Variants in DLGAP1 observed in about 807,000 individuals in gnomAD.
DLGAP1 encodes the protein disks large-associated protein 1.
Under a neutral mutation model 90.8 loss-of-function variants are expected in DLGAP1, and 11 were observed. The observed-to-expected ratio is 0.12, with a 90% CI of 0.08 to 0.20. The LOEUF is 0.20. Ranked by LOEUF, DLGAP1 falls within the 10% of genes least tolerant of loss-of-function variation. The pLI is 1.00. For missense variants in DLGAP1, 1,050 were observed against 1,333.8 expected (o/e 0.79, Z 3.31); for synonymous variants, 558 against 540.7 (o/e 1.03, Z -0.44).
At chr18:3,523,377 A>C (rs939427382) in intron 10 of DLGAP1, among the ~76,000 whole-genome samples, 2 of 151,330 alleles carry the variant, frequency 1.3e-5, no homozygotes, top group Admixed American at 1.3e-4. Context: ...GCTCCATCTC[A>C]AAGAAAAAAA....
intron 7 of DLGAP1, among the ~76,000 whole-genome samples, chr18:3,706,934 T>C (rs2061451422): frequency 6.6e-6 from 1 of 152,164 alleles, no homozygotes; most frequent in Non-Finnish European, 1.5e-5. Context: ...GCCACTGAGT[T>C]TGGGAATGGG....
chr18:3,559,873 G>A lies in DLGAP1; in HGVS notation c.2057+7617C>T, dbSNP rs566018688. On this transcript the variant is annotated intron_variant, in intron 9 of 12. Coordinates refer to ENST00000315677, the MANE Select transcript of DLGAP1 (RefSeq NM_004746.4). ...CCTGACCTCGTGATCCACCTGCCTC[G>A]GCCTCCCAAAGTGCTGGGATTACAG... is the stretch of plus-strand genomic sequence containing the variant. 5.3e-4 allele frequency among the ~76,000 whole-genome samples: 81 copies of A among 151,464 alleles called. 2 individuals are homozygous for A. Among genetic ancestry groups the A allele is most frequent in the South Asian group, 3.6e-3 (17 of 4,770 alleles).
intron 3 of DLGAP1, among the ~76,000 whole-genome samples, chr18:3,933,819 T>C (rs1170964727): frequency 6.6e-6 from 1 of 152,198 alleles, no homozygotes; most frequent in East Asian, 1.9e-4. Context: ...GAGAGTCTGA[T>C]ACAATGTTTT....
At chr18:3,685,446 C>T (rs995209169) in intron 7 of DLGAP1, among the ~76,000 whole-genome samples, 1 of 151,832 alleles carries the variant, frequency 6.6e-6, no homozygotes, top group African/African-American at 2.4e-5. Context: ...CACCTATGGT[C>T]CCAGCTACTT....
chr18:3,838,408 C>T (rs1040070750), intron 4 of DLGAP1, among the ~76,000 whole-genome samples: 27 of 152,310 alleles, frequency 1.8e-4, no homozygotes, highest in African/African-American at 6.3e-4. Flanking sequence ...GGTTGCTACA[C>T]ATATTTGTAT....
Position 3,729,500 on chromosome 18 carries a change from AT to A in DLGAP1, c.1351-126del. 7.7e-7 allele frequency: 1 copy of A among 1,302,360 alleles called. No individual in the cohort carries two copies. The highest frequency in any genetic ancestry group is 1.0e-6 in the Non-Finnish European group (1 of 959,124). The allele number at this position is 1,302,360 out of a possible 1,614,324, so 80.7% of individuals were successfully genotyped here. On this transcript the variant is annotated intron_variant, in intron 6 of 12. Transcript: ENST00000315677. This position sits in a 1 kb window ranked among gnomAD's most constrained non-coding sequence, Gnocchi z 6.2. ...GTCTGGTTAGATTAAGCTCAAATGC[AT>A]TTTATTTCCTTTCTGTTACAGGCTA...
rs141070243 is a variant in DLGAP1 at position 4,192,482 on chromosome 18, C to T, written c.-266-41195G>A. The stretch of plus-strand genomic sequence containing the variant: ...CCTAAAAGCAAAGCTATTATTGGAA[C>T]GTACTTATCCTGTAACCCCAACTAA... On this transcript the variant is annotated intron_variant, in intron 1 of 12. Coordinates refer to ENST00000315677, the MANE Select transcript of DLGAP1 (RefSeq NM_004746.4). Among the ~76,000 whole-genome samples, 120 of 152,264 alleles carry T rather than the reference C, an allele frequency of 7.9e-4. 1 individual carries two copies. The highest frequency in any genetic ancestry group is 2.8e-3 in the African/African-American group (117 of 41,552).
chr18:4,159,732 T>G (rs1296503012), intron 1 of DLGAP1, among the ~76,000 whole-genome samples: 2 of 152,216 alleles, frequency 1.3e-5, no homozygotes, highest in African/African-American at 4.8e-5. Flanking sequence ...AAAAGGGCCT[T>G]ACAATCACGA....
At chr18:4,105,905 A>ATG (rs2075854505) in intron 2 of DLGAP1, among the ~76,000 whole-genome samples, 1 of 151,112 alleles carries the variant, frequency 6.6e-6, no homozygotes, top group Admixed American at 6.6e-5. Flanking sequence ...GGTGGCGGGC[A>ATG]CCTGTAGTCC....
At chr18:3,538,436 T>A (rs75245931) in intron 9 of DLGAP1, among the ~76,000 whole-genome samples, 1 of 150,386 alleles carries the variant, frequency 6.6e-6, no homozygotes, top group Non-Finnish European at 1.5e-5. Flanking sequence ...CTGAATGCAA[T>A]GTTACAAGTC....
intron 1 of DLGAP1, among the ~76,000 whole-genome samples, chr18:4,238,695 T>C (rs746301963): frequency 6.6e-6 from 1 of 152,184 alleles, no homozygotes; most frequent in Non-Finnish European, 1.5e-5. Flanking sequence ...CTATTAATTC[T>C]AATCAAAATA....
At chr18:3,704,495 G>A (rs553297589) in intron 7 of DLGAP1, among the ~76,000 whole-genome samples, 3 of 152,012 alleles carry the variant, frequency 2.0e-5, no homozygotes, top group East Asian at 1.9e-4. Flanking sequence ...GCTTGAACCC[G>A]GGAGGCAGAG....
intron 2 of DLGAP1, among the ~76,000 whole-genome samples, chr18:4,056,462 T>C (rs112861070): frequency 6.6e-5 from 10 of 152,272 alleles, no homozygotes; most frequent in African/African-American, 2.2e-4. Context: ...TCCCACAGCA[T>C]GAGATCTGGG....
intron 4 of DLGAP1, among the ~76,000 whole-genome samples, chr18:3,876,751 C>T (rs1055032937): frequency 2.0e-5 from 3 of 151,906 alleles, no homozygotes; most frequent in Non-Finnish European, 2.9e-5. Context: ...AAGCCTCAAA[C>T]GTTTCATTAC....
chr18:4,090,377 C>A (rs9946590), intron 2 of DLGAP1, among the ~76,000 whole-genome samples: 51,879 of 151,984 alleles, frequency 0.34, 9,146 homozygotes, highest in African/African-American at 0.41. Flanking sequence ...CCAGAATCTA[C>A]AAGGAACTTA....
chr18:3,930,079 A>G (rs2072482577), intron 3 of DLGAP1, among the ~76,000 whole-genome samples: 2 of 152,220 alleles, frequency 1.3e-5, no homozygotes, highest in African/African-American at 4.8e-5. Context: ...AACAAAAAGC[A>G]AACTTTGCCA....
rs538630880 is a variant in DLGAP1 at position 3,692,548 on chromosome 18, C to A, written c.1591+36587G>T. On this transcript the variant is annotated intron_variant, in intron 7 of 12. Transcript: ENST00000315677. Reference sequence around the variant, plus strand: ...TTCAAGGTTGTTCAATACCTCTTCCCATTTATTTACACTGGCAGTGGTTCA... The same window carrying A: ...TTCAAGGTTGTTCAATACCTCTTCCAATTTATTTACACTGGCAGTGGTTCA... 1.1e-3 allele frequency among the ~76,000 whole-genome samples: 172 copies of A among 152,256 alleles called. 1 individual carries two copies. Among genetic ancestry groups the A allele is most frequent in the Admixed American group, 2.6e-3 (40 of 15,282 alleles).
rs531264443 is a variant in DLGAP1 at position 3,623,362 on chromosome 18, T to A, written c.1592-41114A>T. Among the ~76,000 whole-genome samples, 19 of 152,354 alleles carry A rather than the reference T, an allele frequency of 1.2e-4. No homozygotes were observed. The South Asian group carries it at 3.9e-3, about 32-fold the overall frequency. On this transcript the variant is annotated intron_variant, in intron 7 of 12. Transcript: ENST00000315677. Reference sequence around the variant, plus strand: ...TAGCTATGATTATTTTCACGAGCCCTGACATTATCTTCCATTTCCAGGCTT... The same window carrying A: ...TAGCTATGATTATTTTCACGAGCCCAGACATTATCTTCCATTTCCAGGCTT...
chr18:4,248,097 T>C (rs976339497), intron 1 of DLGAP1, among the ~76,000 whole-genome samples: 2 of 152,106 alleles, frequency 1.3e-5, no homozygotes, highest in Admixed American at 6.6e-5. Context: ...GCGTTAGACT[T>C]GGCACTTGAG....
Sources: allele counts gnomAD v4.1 joint callset (sites outside exome capture counted in the v4.1 genomes callset), GRCh38; gene constraint gnomAD v4.1.1; non-coding constraint Gnocchi (gnomAD v3.1); transcripts MANE v1.5; gene names NCBI Gene and HGNC (gene_info 2026-07-23, HGNC 2026-07-21).